Variants in AKAP10 observed in about 807,000 individuals in gnomAD.
AKAP10 encodes the protein A-kinase anchoring protein 10.
In AKAP10, 24 loss-of-function variants were observed where a neutral mutation model predicts 80.8. The ratio of observed to expected loss-of-function variants is 0.30; its 90% CI spans 0.22 to 0.42. The LOEUF (loss-of-function observed/expected upper bound fraction) is 0.42, where lower values mean the gene tolerates loss of function less well. Among genes scored for constraint, AKAP10 ranks in the 10% least tolerant of loss-of-function variants. The pLI is 1.00. For synonymous variants in AKAP10, 291 were observed against 277.7 expected (o/e 1.05, Z -0.48); for missense variants, 661 against 794.9 (o/e 0.83, Z 2.03).
At chr17:19,923,567 C>T (rs947546204) in intron 11 of AKAP10, among the ~76,000 whole-genome samples, 2 of 152,132 alleles carry the variant, frequency 1.3e-5, no homozygotes, top group African/African-American at 2.4e-5. Flanking sequence ...CGCTCCACTG[C>T]GCAGGCTGGA....
chr17:19,920,741 G>T (rs1426547731), intron 11 of AKAP10, among the ~76,000 whole-genome samples: 1 of 151,390 alleles, frequency 6.6e-6, no homozygotes, highest in Non-Finnish European at 1.5e-5. Flanking sequence ...TACTTGGGAG[G>T]CTAAGGCAGG....
intron 4 of AKAP10, among the ~76,000 whole-genome samples, chr17:19,953,850 G>C (rs1396862592): frequency 6.6e-6 from 1 of 152,142 alleles, no homozygotes. Flanking sequence ...TGGCTAACAT[G>C]GTGAAACCCT....
intron 3 of AKAP10, among the ~76,000 whole-genome samples, chr17:19,961,017 CAAAT>C (rs550492739): frequency 0.014 from 2,108 of 147,046 alleles, 46 homozygotes; most frequent in African/African-American, 0.048. Flanking sequence ...ACTCCGTCTA[CAAAT>C]AAATAAACAA....
chr17:19,958,224 T>C lies in AKAP10; in HGVS notation c.667A>G (p.Ile223Val), dbSNP rs1217844917. The change falls in exon 4 of 15, where the codon ATT (isoleucine) becomes GTT (valine). Residue 223 changes from isoleucine to valine, a missense_variant. By Grantham distance (29) the Ile-to-Val change is conservative. Coordinates refer to ENST00000225737, the MANE Select transcript of AKAP10 (RefSeq NM_007202.4). Reference protein sequence around the residue: ...AQLFMTHSEGIDLNNRTNSTQ... With the variant: ...AQLFMTHSEGVDLNNRTNSTQ... ...CTGTTAGTTCTATTATTCAGGTCAA[T>C]TCCTTCTGAATGAGTCATAAACAAC... The C allele has an allele frequency of 3.1e-6, 5 of 1,614,178 alleles. No homozygotes were observed. The South Asian group carries it at 5.5e-5, about 18-fold the overall frequency.
chr17:19,937,975 CTTTTTTTTTTT>C (rs547191721), intron 8 of AKAP10, among the ~76,000 whole-genome samples: 2 of 129,202 alleles, frequency 1.5e-5, no homozygotes, highest in Non-Finnish European at 3.3e-5. Context: ...GACTGGAAAC[CTTTTTTTTTTT>C]TTTTTTTTTG....
chr17:19,946,657 C>CTTTTTTTTTT (rs35156168), intron 5 of AKAP10, among the ~76,000 whole-genome samples: 1 of 111,146 alleles, frequency 9.0e-6, no homozygotes, highest in Non-Finnish European at 1.9e-5. Flanking sequence ...ATAAGAAAAA[C>CTTTTTTTTTT]TTTTTTTTTT....
chr17:19,947,427 G>A lies in AKAP10; in HGVS notation c.956C>T (p.Ala319Val). 3 of 1,608,952 alleles carry A rather than the reference G, an allele frequency of 1.9e-6. No individual in the cohort carries two copies. Among genetic ancestry groups the A allele is most frequent in the Non-Finnish European group, 2.6e-6 (3 of 1,175,818 alleles). Reference protein sequence around the residue: ...DAAKPIPITEAMRNDIIARIC... With the variant: ...DAAKPIPITEVMRNDIIARIC... ...CTTACCTATGATGTCATTTCTCATT[G>A]CTTCTGTAATTGGTATTGGTTTAGC... Residue 319 changes from alanine (A) to valine (V), a missense_variant, in exon 5 of 15, where the codon GCA becomes GTA. By Grantham distance (64) the Ala-to-Val change is moderately conservative. Transcript: ENST00000225737.
At chr17:19,915,342 G>C (rs554908217) in intron 12 of AKAP10, among the ~76,000 whole-genome samples, 2 of 152,208 alleles carry the variant, frequency 1.3e-5, no homozygotes, top group Non-Finnish European at 2.9e-5. Context: ...TAAACATTCT[G>C]TAGGATAACT....
chr17:19,969,603 C>T (rs73296058), intron 1 of AKAP10, among the ~76,000 whole-genome samples: 1,586 of 150,904 alleles, frequency 0.011, 19 homozygotes, highest in African/African-American at 0.036. Flanking sequence ...AATGCCAAAA[C>T]GTGCCCATCT....
At chr17:19,934,015 G>A (rs574036706) in intron 9 of AKAP10, among the ~76,000 whole-genome samples, 71 of 152,056 alleles carry the variant, frequency 4.7e-4, no homozygotes, top group African/African-American at 1.1e-3. Flanking sequence ...TCTGCCTCCC[G>A]GGTTCAAGAG....
chr17:19,951,729 T>C (rs2043216597), intron 4 of AKAP10, among the ~76,000 whole-genome samples: 1 of 151,866 alleles, frequency 6.6e-6, no homozygotes, highest in Admixed American at 6.6e-5. Flanking sequence ...CACTCCCTAA[T>C]CTCAAGTACC....
At chr17:19,918,631 A>G (rs1186200549) in intron 12 of AKAP10, among the ~76,000 whole-genome samples, 1 of 152,202 alleles carries the variant, frequency 6.6e-6, no homozygotes, top group African/African-American at 2.4e-5. Flanking sequence ...ATAGCTCTTA[A>G]TCTTAAACAT....
At chr17:19,950,647 C>A (rs2043190936) in intron 4 of AKAP10, among the ~76,000 whole-genome samples, 1 of 152,254 alleles carries the variant, frequency 6.6e-6, no homozygotes, top group Non-Finnish European at 1.5e-5. Flanking sequence ...GTGGCGTGAT[C>A]TCAGCTCCCT....
chr17:19,916,833 A>C (rs1343021975), intron 12 of AKAP10, among the ~76,000 whole-genome samples: 3 of 151,930 alleles, frequency 2.0e-5, no homozygotes, highest in Admixed American at 6.6e-5. Flanking sequence ...GCTACTCAGG[A>C]GGCTGAGGCA....
chr17:19,973,085 T>A (rs962855760), intron 1 of AKAP10, among the ~76,000 whole-genome samples: 2 of 152,174 alleles, frequency 1.3e-5, no homozygotes, highest in African/African-American at 4.8e-5. Flanking sequence ...GTTCAAGTGA[T>A]TCTTGTGTCT....
chr17:19,954,715 G>A (rs182040254), intron 4 of AKAP10, among the ~76,000 whole-genome samples: 3 of 150,000 alleles, frequency 2.0e-5, no homozygotes, highest in East Asian at 2.0e-4. Context: ...GGATGGTCTC[G>A]ATCTCCTGAC....
At chr17:19,925,738 A>G (rs190120688) in intron 10 of AKAP10, among the ~76,000 whole-genome samples, 330 of 151,794 alleles carry the variant, frequency 2.2e-3, no homozygotes, top group African/African-American at 7.7e-3. Context: ...AGCGGCTCTC[A>G]TGTGTTGAGA....
chr17:19,964,426 C>T (rs892252510), intron 2 of AKAP10, among the ~76,000 whole-genome samples: 36 of 152,190 alleles, frequency 2.4e-4, no homozygotes, highest in Non-Finnish European at 4.3e-4. Flanking sequence ...TTTATCAACA[C>T]CCAGTGTGTC....
chr17:19,966,734 G>A (rs1331082789), intron 2 of AKAP10, among the ~76,000 whole-genome samples: 1 of 119,534 alleles, frequency 8.4e-6, no homozygotes, highest in Non-Finnish European at 1.9e-5. Flanking sequence ...TCTGAAGAAA[G>A]TTACAACTTC....
Sources: allele counts gnomAD v4.1 joint callset (sites outside exome capture counted in the v4.1 genomes callset), GRCh38; gene constraint gnomAD v4.1.1; transcripts MANE v1.5; gene names NCBI Gene and HGNC (gene_info 2026-07-23, HGNC 2026-07-21).